LSAMP: variants seen among roughly 807,000 people sequenced by gnomAD.
LSAMP encodes limbic system associated membrane protein.
Under a neutral mutation model 38.6 loss-of-function variants are expected in LSAMP, and 7 were observed. That is an observed-to-expected ratio of 0.18 (90% confidence interval 0.10 to 0.34). The LOEUF is 0.34. Ranked by LOEUF, LSAMP falls within the 10% of genes least tolerant of loss-of-function variation. The probability of loss-of-function intolerance (pLI) is 1.00; values close to 1 mark genes in which losing one functional copy is unlikely to be tolerated. For synonymous variants in LSAMP, 154 were observed against 166.8 expected, an observed-to-expected ratio of 0.92 and a Z score of 0.59; for missense variants, 313 against 420.0, an observed-to-expected ratio of 0.75 and a Z score of 2.23.
chr3:115,974,099 C>A (rs1939107576), intron 3 of LSAMP, among the ~76,000 whole-genome samples: 1 of 152,060 alleles, frequency 6.6e-6, no homozygotes, highest in African/African-American at 2.4e-5. Context: ...AATCCCAGCA[C>A]TTTGGAAGGC....
At chr3:115,908,712 C>T (rs567365919) in intron 3 of LSAMP, among the ~76,000 whole-genome samples, 1 of 152,226 alleles carries the variant, frequency 6.6e-6, no homozygotes, top group South Asian at 2.1e-4. Context: ...TCCATTATAC[C>T]TCTAGTGCAA....
chr3:115,826,419 T>C (rs979542055), intron 6 of LSAMP, among the ~76,000 whole-genome samples: 3 of 152,172 alleles, frequency 2.0e-5, no homozygotes, highest in Non-Finnish European at 2.9e-5. Flanking sequence ...TTCTGTCTTT[T>C]AAACTTCACT....
At position 116,197,130 on chromosome 3, in the gene LSAMP, G is replaced by GACACACACACACACACAC. The variant is rs10650049; in HGVS notation, c.156-110592_156-110575dup. Among the ~76,000 whole-genome samples the GACACACACACACACACAC allele has an allele frequency of 1.5e-3, 204 of 136,808 alleles. 3 individuals are homozygous for GACACACACACACACACAC. Among genetic ancestry groups the GACACACACACACACACAC allele is most frequent in the East Asian group, 3.2e-3 (15 of 4,654 alleles). 89.8% of individuals were successfully genotyped at this position (136,808 alleles called of 152,430 possible). On this transcript the variant is annotated intron_variant, in intron 1 of 6. Transcript: ENST00000490035. ...GCCTAAAACAAAAGTATCCCACTCGGACACACACACACACACACACACACA... is the reference window on the plus strand; with the variant it reads ...GCCTAAAACAAAAGTATCCCACTCGGACACACACACACACACACACACACACACACACACACACACACA...
At chr3:115,890,457 C>T (rs1423389565) in intron 3 of LSAMP, among the ~76,000 whole-genome samples, 1 of 151,946 alleles carries the variant, frequency 6.6e-6, no homozygotes, top group South Asian at 2.1e-4. Flanking sequence ...GCCTCTCTTA[C>T]AGACCACATT....
chr3:116,037,130 T>C (rs1941064941), intron 2 of LSAMP, among the ~76,000 whole-genome samples: 1 of 152,152 alleles, frequency 6.6e-6, no homozygotes, highest in South Asian at 2.1e-4. Flanking sequence ...TCAGAACAAA[T>C]AAGATTTCAA....
At chr3:116,207,977 A>G (rs1431016919) in intron 1 of LSAMP, among the ~76,000 whole-genome samples, 1 of 148,580 alleles carries the variant, frequency 6.7e-6, no homozygotes, top group Non-Finnish European at 1.5e-5. Context: ...GTTCTCCTGG[A>G]TAATATCCTG....
chr3:115,854,282 ATTTTTTT>A lies in LSAMP; in HGVS notation c.515-1672_515-1666del, dbSNP rs35263381. ...TATTATTATTATTATTATTATTATT[ATTTTTTT>A]TTTTTTTTTTTGAGATGGAGTCCCG... On this transcript the variant is annotated intron_variant, in intron 3 of 6. Coordinates refer to ENST00000490035, the MANE Select transcript of LSAMP (RefSeq NM_002338.5). Among the ~76,000 whole-genome samples, 12 of 107,028 alleles carry A rather than the reference ATTTTTTT, an allele frequency of 1.1e-4. No individual in the cohort carries two copies. In the East Asian group the frequency reaches 2.5e-3, roughly 22 times the overall value. 70.2% of individuals were successfully genotyped at this position (107,028 alleles called of 152,430 possible).
intron 1 of LSAMP, among the ~76,000 whole-genome samples, chr3:116,243,793 G>T (rs1445718315): frequency 6.6e-6 from 1 of 152,100 alleles, no homozygotes; most frequent in East Asian, 1.9e-4. Flanking sequence ...GGGATTAAAT[G>T]AAAATAACAT....
At chr3:116,191,812 G>A (rs962310802) in intron 1 of LSAMP, among the ~76,000 whole-genome samples, 4 of 151,542 alleles carry the variant, frequency 2.6e-5, no homozygotes, top group African/African-American at 9.7e-5. Context: ...TTTTTGATTA[G>A]TGAATAATAA....
At chr3:116,382,205 C>T (rs1017540963) in intron 1 of LSAMP, among the ~76,000 whole-genome samples, 5 of 152,128 alleles carry the variant, frequency 3.3e-5, no homozygotes, top group African/African-American at 9.6e-5. Flanking sequence ...CACATGCACA[C>T]GTATGTTTTT....
At chr3:116,115,682 C>A (rs1321078661) in intron 1 of LSAMP, among the ~76,000 whole-genome samples, 4 of 150,228 alleles carry the variant, frequency 2.7e-5, no homozygotes, top group African/African-American at 9.7e-5. Context: ...AAAAACAAAA[C>A]AAAAAAAACT....
intron 1 of LSAMP, among the ~76,000 whole-genome samples, chr3:116,371,894 A>G (rs970384906): frequency 2.6e-5 from 4 of 152,164 alleles, no homozygotes; most frequent in African/African-American, 4.8e-5. Context: ...AAAAATGAAC[A>G]ATCTGAAAAG....
At chr3:116,422,616 A>G (rs180793977) in intron 1 of LSAMP, among the ~76,000 whole-genome samples, 1 of 152,200 alleles carries the variant, frequency 6.6e-6, no homozygotes, top group Non-Finnish European at 1.5e-5. Flanking sequence ...AAAGGTGGGC[A>G]TGAAAAAAAT....
At chr3:115,871,747 CT>C (rs1329886435) in intron 3 of LSAMP, among the ~76,000 whole-genome samples, 1 of 151,994 alleles carries the variant, frequency 6.6e-6, no homozygotes, top group Non-Finnish European at 1.5e-5. Flanking sequence ...ACTTTTGAAG[CT>C]TTGTAAGACT....
In LSAMP at chr3:116,297,214, G is replaced by A. The variant is rs2047348048; in HGVS notation, c.155+147663C>T. 2.0e-5 allele frequency among the ~76,000 whole-genome samples: 3 copies of A among 152,156 alleles called. 1 individual carries two copies. The South Asian group carries it at 6.2e-4, about 32-fold the overall frequency. On this transcript the variant is annotated intron_variant, in intron 1 of 6. Transcript: ENST00000490035. ...GAGATTGGCTATATAGATAGAAGAT[G>A]TAGAGGTGAAGAAAACTAAGAAAAT...
At chr3:115,868,373 C>G (rs1392498056) in intron 3 of LSAMP, among the ~76,000 whole-genome samples, 1 of 152,098 alleles carries the variant, frequency 6.6e-6, no homozygotes, top group Non-Finnish European at 1.5e-5. Context: ...CTCCCTGAAT[C>G]CAAGCACTAG....
At chr3:116,138,407 G>A (rs1271844388) in intron 1 of LSAMP, among the ~76,000 whole-genome samples, 2 of 151,726 alleles carry the variant, frequency 1.3e-5, no homozygotes, top group African/African-American at 4.8e-5. Flanking sequence ...TAAATATTAG[G>A]GAAATAGTAG....
rs543216480 is a variant in LSAMP at position 116,099,573 on chromosome 3, C to T, written c.156-13017G>A. Among the ~76,000 whole-genome samples the T allele has an allele frequency of 2.6e-5, 4 of 152,278 alleles. No individual in the cohort carries two copies. The East Asian group carries it at 7.7e-4, about 29-fold the overall frequency. On this transcript the variant is annotated intron_variant, in intron 1 of 6. Coordinates refer to ENST00000490035, the MANE Select transcript of LSAMP (RefSeq NM_002338.5). Reference sequence around the variant, plus strand: ...CTAATTAATAATGTCCAGTCTCCCTCAAGGATAAGTCACCTCTGTCTGGCT... The same window carrying T: ...CTAATTAATAATGTCCAGTCTCCCTTAAGGATAAGTCACCTCTGTCTGGCT...
chr3:116,251,335 T>C (rs1340411718), intron 1 of LSAMP, among the ~76,000 whole-genome samples: 1 of 152,188 alleles, frequency 6.6e-6, no homozygotes, highest in African/African-American at 2.4e-5. Context: ...TGATTTTTTT[T>C]GAGGAGGCCA....
Sources: allele counts gnomAD v4.1 joint callset (sites outside exome capture counted in the v4.1 genomes callset), GRCh38; gene constraint gnomAD v4.1.1; transcripts MANE v1.5; gene names NCBI Gene and HGNC (gene_info 2026-07-23, HGNC 2026-07-21).